The following NAV2 variants were observed in gnomAD, a reference collection of about 807,000 sequenced individuals.
NAV2 encodes the protein helicase, APC down-regulated 1.
NAV2 carries 54 observed loss-of-function variants against 223.2 expected under a neutral mutation model. That is an observed-to-expected ratio of 0.24 (90% CI 0.19 to 0.30). The LOEUF is 0.30. NAV2 is among the 10% of genes least tolerant of loss of function. The pLI is 1.00. For missense variants in NAV2, 2,806 were observed against 3,147.5 expected (o/e 0.89, Z 2.60); for synonymous variants, 1,279 against 1,239.3 (o/e 1.03, Z -0.67).
chr11:19,691,245 C>T (rs990365710), intron 1 of NAV2, among the ~76,000 whole-genome samples: 1 of 93,864 alleles, frequency 1.1e-5, no homozygotes, highest in African/African-American at 2.6e-5. Flanking sequence ...CTAGTAGCCA[C>T]ATTAAAAAAC....
At chr11:19,375,487 C>T (rs546182220) in intron 1 of NAV2, among the ~76,000 whole-genome samples, 12 of 152,302 alleles carry the variant, frequency 7.9e-5, no homozygotes, top group African/African-American at 2.6e-4. Flanking sequence ...CCTCCTCCCC[C>T]ACAAACTCAG....
intron 1 of NAV2, among the ~76,000 whole-genome samples, chr11:19,690,467 T>C (rs930681472): frequency 6.6e-6 from 1 of 152,216 alleles, no homozygotes; most frequent in Non-Finnish European, 1.5e-5. Context: ...AAAGTCATGG[T>C]GAGCCCTATC....
At chr11:19,494,592 C>G (rs978129984) in intron 1 of NAV2, among the ~76,000 whole-genome samples, 1 of 152,174 alleles carries the variant, frequency 6.6e-6, no homozygotes, top group African/African-American at 2.4e-5. Flanking sequence ...AACTTGTGAT[C>G]TAAATGTAGA....
chr11:20,024,228 G>A (rs2054820147), intron 11 of NAV2, among the ~76,000 whole-genome samples: 1 of 152,216 alleles, frequency 6.6e-6, no homozygotes, highest in African/African-American at 2.4e-5. Flanking sequence ...CTTGTTTCTG[G>A]AAGGAAGAGG....
At position 19,713,224 on chromosome 11, in the gene NAV2, C is replaced by G. The variant is rs2049990024; in HGVS notation, c.-472C>G. 6 of 755,074 alleles carry G rather than the reference C, an allele frequency of 7.9e-6. No homozygotes were observed. The South Asian group carries it at 1.8e-4, about 23-fold the overall frequency. 46.8% of individuals were successfully genotyped at this position (755,074 alleles called of 1,614,324 possible). A position where few individuals can be genotyped will look rare whatever the true frequency, so the allele number is the denominator to read the frequency against. On this transcript the variant is annotated 5_prime_UTR_variant, in exon 1 of 38. Coordinates refer to ENST00000349880, the MANE Select transcript of NAV2 (RefSeq NM_145117.5). This position sits in a 1 kb window ranked among gnomAD's most constrained non-coding sequence, Gnocchi z 7.2. The stretch of plus-strand genomic sequence containing the variant: ...TGTCTCCTTTCCTTCCTTGGCTGCT[C>G]GCTCTTTCTCTCGCCGGCTCAGACC...
At chr11:19,940,443 G>A (rs1423664457) in intron 8 of NAV2, among the ~76,000 whole-genome samples, 5 of 151,994 alleles carry the variant, frequency 3.3e-5, no homozygotes, top group African/African-American at 1.2e-4. Flanking sequence ...TTCTTACTAC[G>A]GTGGATTCCA....
chr11:19,590,567 G>A (rs1243782244), intron 1 of NAV2, among the ~76,000 whole-genome samples: 1 of 152,164 alleles, frequency 6.6e-6, no homozygotes, highest in Non-Finnish European at 1.5e-5. Context: ...TCAGAAGCTT[G>A]AGTTTATATC....
intron 29 of NAV2, among the ~76,000 whole-genome samples, chr11:20,094,815 C>T (rs2061129929): frequency 6.6e-6 from 1 of 152,142 alleles, no homozygotes; most frequent in South Asian, 2.1e-4. Context: ...CTTTTCTCTG[C>T]TGATTTTGCT....
rs1179374398 is a variant in NAV2 at position 19,771,804 on chromosome 11, G to A, written c.267+57842G>A. ...GCCCAACCCAGCCCTTTCTGGGGGCGTATTCATTCATTCATTCATTCGTAG... is the reference window on the plus strand; with the variant it reads ...GCCCAACCCAGCCCTTTCTGGGGGCATATTCATTCATTCATTCATTCGTAG... On this transcript the variant is annotated intron_variant, in intron 1 of 37. Coordinates refer to ENST00000349880, the MANE Select transcript of NAV2 (RefSeq NM_145117.5). 5.9e-5 allele frequency among the ~76,000 whole-genome samples: 9 copies of A among 152,166 alleles called. No homozygotes were observed. In the South Asian group the frequency reaches 6.2e-4, roughly 11 times the overall value.
chr11:19,419,940 T>C (rs1298028912), intron 1 of NAV2, among the ~76,000 whole-genome samples: 2 of 152,166 alleles, frequency 1.3e-5, no homozygotes, highest in African/African-American at 4.8e-5. Flanking sequence ...GATGAACGAA[T>C]GAGCAAAGCC....
chr11:19,382,865 T>A (rs1848896647), intron 1 of NAV2, among the ~76,000 whole-genome samples: 1 of 152,036 alleles, frequency 6.6e-6, no homozygotes, highest in Non-Finnish European at 1.5e-5. Context: ...ACCTAGGGAG[T>A]CTGACTCCAA....
At chr11:19,445,987 C>T (rs1851568968) in intron 1 of NAV2, among the ~76,000 whole-genome samples, 1 of 152,186 alleles carries the variant, frequency 6.6e-6, no homozygotes, top group Non-Finnish European at 1.5e-5. Flanking sequence ...CTATGTCATC[C>T]TGTCATATGT....
chr11:19,627,329 TG>T (rs1406976360), intron 1 of NAV2, among the ~76,000 whole-genome samples: 1 of 151,494 alleles, frequency 6.6e-6, no homozygotes, highest in African/African-American at 2.4e-5. Flanking sequence ...GCAGAGATTG[TG>T]GTGAGCCAAG....
chr11:19,745,308 A>G (rs1590273428), intron 1 of NAV2, among the ~76,000 whole-genome samples: 1 of 152,338 alleles, frequency 6.6e-6, no homozygotes, highest in African/African-American at 2.4e-5. Flanking sequence ...TGCATTTGCA[A>G]AAGACAAATA....
intron 22 of NAV2, among the ~76,000 whole-genome samples, chr11:20,070,632 T>C (rs1020982560): frequency 6.6e-6 from 1 of 152,218 alleles, no homozygotes; most frequent in Non-Finnish European, 1.5e-5. Context: ...TTGTCTGCCA[T>C]CTTTCTCGCA....
At chr11:19,625,687 T>C (rs112209515) in intron 1 of NAV2, among the ~76,000 whole-genome samples, 484 of 152,354 alleles carry the variant, frequency 3.2e-3, no homozygotes, top group African/African-American at 0.011. Context: ...AGTTCCCTTT[T>C]CTCTGTATCT....
chr11:20,113,612 G>C (rs1320489846), intron 36 of NAV2, among the ~76,000 whole-genome samples: 2 of 152,144 alleles, frequency 1.3e-5, no homozygotes, highest in Non-Finnish European at 2.9e-5. Context: ...TAATTTCACT[G>C]CCTATGTGCA....
intron 3 of NAV2, among the ~76,000 whole-genome samples, chr11:19,845,548 A>G (rs1203202075): frequency 6.6e-6 from 1 of 152,212 alleles, no homozygotes; most frequent in Non-Finnish European, 1.5e-5. Context: ...AAGGAGTTTT[A>G]TTTCAGAGCA....
At chr11:19,909,302 A>G (rs747626998) in intron 6 of NAV2, among the ~76,000 whole-genome samples, 43 of 152,236 alleles carry the variant, frequency 2.8e-4, no homozygotes, top group Admixed American at 2.2e-3. Context: ...CCAATTCTAG[A>G]CAGTGCCCCA....
Sources: allele counts gnomAD v4.1 joint callset (sites outside exome capture counted in the v4.1 genomes callset), GRCh38; gene constraint gnomAD v4.1.1; non-coding constraint Gnocchi (gnomAD v3.1); transcripts MANE v1.5; gene names NCBI Gene and HGNC (gene_info 2026-07-23, HGNC 2026-07-21).